Variants in PTPN5 observed in about 807,000 individuals in gnomAD.
PTPN5 encodes tyrosine-protein phosphatase non-receptor type 5.
A neutral mutation model predicts 73.9 loss-of-function variants in PTPN5; 29 were observed. The ratio of observed to expected loss-of-function variants is 0.39; its 90% CI spans 0.29 to 0.54. The LOEUF is 0.54. Ranked by LOEUF, PTPN5 falls within the 20% of genes least tolerant of loss-of-function variation. PTPN5 has a pLI of 0.65. For missense variants in PTPN5, 652 were observed against 751.4 expected (o/e 0.87, Z 1.55); for synonymous variants, 267 against 304.7 (o/e 0.88, Z 1.29).
At chr11:18,790,679 C>T (rs1361128588) in intron 1 of PTPN5, among the ~76,000 whole-genome samples, 2 of 152,136 alleles carry the variant, frequency 1.3e-5, no homozygotes, top group African/African-American at 4.8e-5. Context: ...GAATTACACA[C>T]TTTCGTGGTA....
At chr11:18,746,196 T>TATATATATATATACACA (rs1162694331) in intron 3 of PTPN5, among the ~76,000 whole-genome samples, 2 of 80,526 alleles carry the variant, frequency 2.5e-5, no homozygotes, top group Non-Finnish European at 6.3e-5. Flanking sequence ...TATATATACA[T>TATATATATATATACACA]TTTTTTTTTT....
At chr11:18,761,101 G>A (rs1345883752) in intron 3 of PTPN5, among the ~76,000 whole-genome samples, 1 of 152,160 alleles carries the variant, frequency 6.6e-6, no homozygotes, top group East Asian at 1.9e-4. Context: ...GGCCCTTGCA[G>A]TGCAGGACTG....
rs1211790072 is a variant in PTPN5 at position 18,772,195 on chromosome 11, T to C, written c.-113-124A>G. The C allele has an allele frequency of 8.0e-5, 42 of 528,112 alleles. No homozygotes were observed. The East Asian group carries it at 1.5e-3, about 18-fold the overall frequency. The allele number at this position is 528,112 out of a possible 1,614,324, so 32.7% of individuals were successfully genotyped here. A position where few individuals can be genotyped will look rare whatever the true frequency, so the allele number is the denominator to read the frequency against. ...GGGAGTCACCTTTCTCCTCCCCTGG[T>C]GCCCTGCTTGCCTCTTGCTACACAG... On this transcript the variant is annotated intron_variant, in intron 1 of 14. Transcript: ENST00000358540.
intron 1 of PTPN5, among the ~76,000 whole-genome samples, chr11:18,773,159 C>T (rs980097262): frequency 3.9e-5 from 6 of 152,136 alleles, no homozygotes; most frequent in African/African-American, 1.4e-4. Context: ...TTTTCCTTTT[C>T]CCTCCCCTTC....
At chr11:18,737,987 G>T in intron 8 of PTPN5, 23 bp from the exon 9 acceptor site, 1 of 1,599,896 alleles carries the variant, frequency 6.3e-7, no homozygotes. Flanking sequence ...GACACGGGGT[G>T]TGAGCAGCTA....
At position 18,764,392 on chromosome 11, in the gene PTPN5, A is replaced by T. The variant is rs1450411381; in HGVS notation, c.97+1415T>A. Among the ~76,000 whole-genome samples, 6 of 152,358 alleles carry T rather than the reference A, an allele frequency of 3.9e-5. No individual in the cohort carries two copies. The South Asian group carries it at 1.2e-3, about 32-fold the overall frequency. On this transcript the variant is annotated intron_variant, in intron 3 of 14. Transcript: ENST00000358540. The stretch of plus-strand genomic sequence containing the variant: ...ACATCTTTTCAGAGAATTCTCTTCT[A>T]GACAGACGGTCCCATCTTAGACCGT...
At chr11:18,734,922 G>A (rs1034451245) in intron 9 of PTPN5, among the ~76,000 whole-genome samples, 21 of 152,176 alleles carry the variant, frequency 1.4e-4, no homozygotes, top group East Asian at 1.9e-4. Context: ...AGTCTACACC[G>A]CTGAGCCAGA....
At chr11:18,746,162 A>AATATAAATAT (rs1291741015) in intron 3 of PTPN5, among the ~76,000 whole-genome samples, 8 of 67,674 alleles carry the variant, frequency 1.2e-4, no homozygotes, top group Admixed American at 4.9e-4. Context: ...TATAAATATA[A>AATATAAATAT]ATATATATAT....
rs1337395706 is a variant in PTPN5, at chr11:18,755,960, T to C, written c.97+9847A>G. 8.7e-5 allele frequency among the ~76,000 whole-genome samples: 12 copies of C among 137,352 alleles called. No homozygotes were observed. The East Asian group carries it at 2.5e-3, about 28-fold the overall frequency. The allele number at this position is 137,352 out of a possible 152,430, so 90.1% of individuals were successfully genotyped here. A position where few individuals can be genotyped will look rare whatever the true frequency, so the allele number is the denominator to read the frequency against. ...TGGAGGTTGCAGTGAGCCGAGATCG[T>C]GCCACTGCACTCCAGCCTGGGCGAC... On this transcript the variant is annotated intron_variant, in intron 3 of 14. Transcript: ENST00000358540.
rs369713148 is a variant in PTPN5, at chr11:18,729,630, G to A, written c.1490+28C>T. The A allele has an allele frequency of 7.3e-5, 115 of 1,575,270 alleles. No individual in the cohort carries two copies. The highest frequency in any genetic ancestry group is 4.8e-4 in the African/African-American group (36 of 74,346). On this transcript the variant is annotated intron_variant, in intron 13 of 14. Transcript: ENST00000358540. This position sits in a 1 kb window ranked among gnomAD's most constrained non-coding sequence, Gnocchi z 5.2. ...AGCCCAGCGGGTGGGGGGCTGCCCC[G>A]CTCCAGTGGCTGGCTGGGAGGACCC...
intron 3 of PTPN5, among the ~76,000 whole-genome samples, chr11:18,756,207 A>T (rs1850126291): frequency 5.4e-5 from 8 of 149,292 alleles, no homozygotes; most frequent in Admixed American, 4.0e-4. Flanking sequence ...AGGCAACATT[A>T]CCCCAGCTGA....
intron 8 of PTPN5, among the ~76,000 whole-genome samples, chr11:18,739,426 G>A (rs894078315): frequency 2.0e-5 from 3 of 152,204 alleles, no homozygotes; most frequent in Admixed American, 6.5e-5. Context: ...GAGGAGAAAG[G>A]CACGGACGAG....
intron 3 of PTPN5, among the ~76,000 whole-genome samples, chr11:18,751,754 A>T (rs546696379): frequency 6.6e-6 from 1 of 152,352 alleles, no homozygotes; most frequent in East Asian, 1.9e-4. Flanking sequence ...TATCAGCTAC[A>T]TGACTTAGGC....
intron 3 of PTPN5, among the ~76,000 whole-genome samples, chr11:18,753,568 C>A (rs565090853): frequency 1.5e-5 from 2 of 133,086 alleles, no homozygotes; most frequent in East Asian, 4.4e-4. Flanking sequence ...TCTACCCACA[C>A]CTTCTCCTAG....
intron 8 of PTPN5, among the ~76,000 whole-genome samples, chr11:18,738,698 G>A (rs1335439302): frequency 6.6e-6 from 1 of 152,118 alleles, no homozygotes; most frequent in Non-Finnish European, 1.5e-5. Flanking sequence ...CTCTGCCCGG[G>A]CGCGGTGGCT....
Position 18,733,007 on chromosome 11 carries a change from G to A in PTPN5, c.1218+228C>T, listed in dbSNP as rs765451576. Among the ~76,000 whole-genome samples, 13 of 152,184 alleles carry A rather than the reference G, an allele frequency of 8.5e-5. No homozygotes were observed. The highest frequency in any genetic ancestry group is 1.8e-4 in the Non-Finnish European group (12 of 68,036). ...AGGCTGGGAGGCAGCAGAGTGCTGT[G>A]TTTAAGGTCACGGGCACTGGAAGTG... On this transcript the variant is annotated intron_variant, in intron 11 of 14. Coordinates refer to ENST00000358540, the MANE Select transcript of PTPN5 (RefSeq NM_006906.2). The surrounding 1 kb of genome is among the most constrained non-coding windows in gnomAD (Gnocchi z 4.3).
intron 2 of PTPN5, among the ~76,000 whole-genome samples, chr11:18,766,381 C>A (rs1317167052): frequency 6.6e-6 from 1 of 152,172 alleles, no homozygotes; most frequent in Non-Finnish European, 1.5e-5. Flanking sequence ...TAGTTTTGAA[C>A]CATGGGTGGA....
intron 3 of PTPN5, among the ~76,000 whole-genome samples, chr11:18,748,394 G>A (rs897321430): frequency 2.0e-5 from 3 of 152,136 alleles, no homozygotes; most frequent in Non-Finnish European, 4.4e-5. Flanking sequence ...GAGAGGGGGA[G>A]GCTTACAATT....
chr11:18,736,859 T>C (rs1055936333), intron 9 of PTPN5, among the ~76,000 whole-genome samples: 6 of 152,104 alleles, frequency 3.9e-5, no homozygotes, highest in Non-Finnish European at 5.9e-5. Flanking sequence ...TCCCTCCAGG[T>C]AGGGCTGGGA....
Sources: allele counts gnomAD v4.1 joint callset (sites outside exome capture counted in the v4.1 genomes callset), GRCh38; gene constraint gnomAD v4.1.1; non-coding constraint Gnocchi (gnomAD v3.1); transcripts MANE v1.5; gene names NCBI Gene and HGNC (gene_info 2026-07-23, HGNC 2026-07-21).